The following SV2C variants were observed in gnomAD, a reference collection of about 807,000 sequenced individuals.
SV2C encodes the protein synaptic vesicle glycoprotein 2C.
A neutral mutation model predicts 79.7 loss-of-function variants in SV2C; 49 were observed. The ratio of observed to expected loss-of-function variants is 0.61; its 90% CI spans 0.49 to 0.78. The LOEUF is 0.78. Ranked by LOEUF, SV2C falls within the 30% of genes least tolerant of loss-of-function variation. SV2C has a pLI of 0.00. For synonymous variants in SV2C, 334 were observed against 333.2 expected (o/e 1.00, Z -0.03); for missense variants, 833 against 912.9 (o/e 0.91, Z 1.13).
At chr5:76,254,230 ATGTG>A (rs35436365) in intron 4 of SV2C, among the ~76,000 whole-genome samples, 2 of 147,872 alleles carry the variant, frequency 1.4e-5, no homozygotes, top group African/African-American at 2.5e-5. Flanking sequence ...GTGTATATAT[ATGTG>A]TGTGTGTATA....
the SV2C span, among the ~76,000 whole-genome samples, chr5:76,019,385 G>A: frequency 6.6e-6 from 1 of 152,112 alleles, no homozygotes; most frequent in African/African-American, 2.4e-5. Context: ...CTAAATGTAT[G>A]TGCTCACCCT....
At chr5:76,069,444 C>T in the SV2C span, among the ~76,000 whole-genome samples, 115 of 152,336 alleles carry the variant, frequency 7.5e-4, no homozygotes, top group South Asian at 1.9e-3. Context: ...GATCGTCATT[C>T]TGCTGCCCTG....
the SV2C span, among the ~76,000 whole-genome samples, chr5:75,995,457 T>C: frequency 2.0e-4 from 31 of 152,238 alleles, no homozygotes; most frequent in African/African-American, 7.5e-4. Flanking sequence ...GATTAGCACA[T>C]GACTGCAGGC....
At chr5:76,014,361 G>A in the SV2C span, among the ~76,000 whole-genome samples, 4 of 152,000 alleles carry the variant, frequency 2.6e-5, no homozygotes, top group African/African-American at 4.8e-5. Flanking sequence ...TCAGCAGAAA[G>A]CCCCACTGCA....
rs1239687942 is a variant in SV2C at position 76,132,163 on chromosome 5, A to G, written c.413A>G (p.Tyr138Cys). The change falls in exon 2 of 13, where the codon TAT becomes TGT. Residue 138 changes from tyrosine to cysteine, a missense_variant. Tyr to Cys is a radical substitution (Grantham distance 194). Coordinates refer to ENST00000502798, the MANE Select transcript of SV2C (RefSeq NM_014979.4). ...RADEEELAQQ[Y>C]ELIIQECGHG... ...GACGAGGAAGAGTTAGCCCAGCAGT[A>G]TGAGCTGATAATCCAAGAATGCGGT... 1.9e-6 allele frequency: 3 copies of G among 1,614,066 alleles called. No individual in the cohort carries two copies. The highest frequency in any genetic ancestry group is 3.3e-5 in the Admixed American group (2 of 59,996).
the SV2C span, among the ~76,000 whole-genome samples, chr5:76,030,266 G>GGTTT: frequency 8.4e-4 from 27 of 31,960 alleles, no homozygotes; most frequent in African/African-American, 3.4e-3. Flanking sequence ...TCAGAGGCTT[G>GGTTT]TTTTTTTTTT....
At chr5:75,946,050 A>G in the SV2C span, among the ~76,000 whole-genome samples, 7 of 152,088 alleles carry the variant, frequency 4.6e-5, no homozygotes, top group African/African-American at 4.8e-5. Context: ...AGCAAGGAGG[A>G]AAATGCAAAT....
chr5:76,003,204 G>A, the SV2C span, among the ~76,000 whole-genome samples: 1 of 152,120 alleles, frequency 6.6e-6, no homozygotes, highest in Non-Finnish European at 1.5e-5. Context: ...AGAATTGTGA[G>A]TCAATGAAAC....
chr5:75,921,500 G>A, the SV2C span: 5 of 801,752 alleles, frequency 6.2e-6, no homozygotes, highest in Non-Finnish European at 1.1e-5. Flanking sequence ...TAGGGTTCTT[G>A]CAATGGCCAG....
At chr5:76,244,455 A>T (rs1387131803) in intron 4 of SV2C, among the ~76,000 whole-genome samples, 1 of 152,260 alleles carries the variant, frequency 6.6e-6, no homozygotes, top group Non-Finnish European at 1.5e-5. Context: ...TAGTAACCAC[A>T]TCAAACAGTA....
intron 2 of SV2C, among the ~76,000 whole-genome samples, chr5:76,186,488 T>A (rs1408621634): frequency 6.6e-6 from 1 of 152,132 alleles, no homozygotes; most frequent in East Asian, 1.9e-4. Flanking sequence ...GATCAGGAGT[T>A]CGATCCCAGC....
intron 2 of SV2C, among the ~76,000 whole-genome samples, chr5:76,141,501 G>A (rs1199228459): frequency 4.6e-5 from 7 of 152,042 alleles, no homozygotes; most frequent in Non-Finnish European, 1.0e-4. Context: ...TCAGGTTGGA[G>A]AATTTGTTCA....
intron 6 of SV2C, among the ~76,000 whole-genome samples, chr5:76,287,902 A>T (rs1251677257): frequency 6.6e-6 from 1 of 152,162 alleles, no homozygotes; most frequent in South Asian, 2.1e-4. Context: ...CTGGCCAACA[A>T]GGTGAAACCC....
intron 2 of SV2C, chr5:76,173,870 T>C (rs765066377): frequency 1.9e-6 from 3 of 1,597,814 alleles, no homozygotes; most frequent in Middle Eastern, 1.7e-4. Context: ...ATCATCAGTG[T>C]CTTTAACTCG....
At chr5:75,871,340 TG>T in the SV2C span, among the ~76,000 whole-genome samples, 1 of 152,154 alleles carries the variant, frequency 6.6e-6, no homozygotes, top group South Asian at 2.1e-4. Context: ...TAACCACTGA[TG>T]ATTTGGGGAA....
intron 2 of SV2C, among the ~76,000 whole-genome samples, chr5:76,162,295 A>G (rs1742919493): frequency 1.3e-5 from 2 of 152,202 alleles, no homozygotes; most frequent in Admixed American, 6.5e-5. Flanking sequence ...TTCCAAAGAA[A>G]TGGCAGAATG....
At chr5:76,052,343 T>C in the SV2C span, among the ~76,000 whole-genome samples, 1 of 152,162 alleles carries the variant, frequency 6.6e-6, no homozygotes, top group African/African-American at 2.4e-5. Flanking sequence ...TAAGGTAAAA[T>C]TCTGCTGTCT....
At chr5:76,018,232 T>G in the SV2C span, among the ~76,000 whole-genome samples, 1 of 152,346 alleles carries the variant, frequency 6.6e-6, no homozygotes, top group South Asian at 2.1e-4. Context: ...CACTGTTCCC[T>G]GCAACTTAAC....
At chr5:76,063,945 C>T in the SV2C span, among the ~76,000 whole-genome samples, 1 of 151,982 alleles carries the variant, frequency 6.6e-6, no homozygotes, top group African/African-American at 2.4e-5. Context: ...GGCAGATGTA[C>T]CCTGGATGCC....
Sources: allele counts gnomAD v4.1 joint callset (sites outside exome capture counted in the v4.1 genomes callset), GRCh38; gene constraint gnomAD v4.1.1; transcripts MANE v1.5; gene names NCBI Gene and HGNC (gene_info 2026-07-23, HGNC 2026-07-21).